Variants in CDK6 observed in about 807,000 individuals in gnomAD.
The protein encoded by CDK6 is cyclin-dependent kinase 6.
CDK6 carries 6 observed loss-of-function variants against 37.1 expected under a neutral mutation model. The observed-to-expected ratio is 0.16, with a 90% CI of 0.09 to 0.32. The LOEUF is 0.32. Among genes scored for constraint, CDK6 ranks in the 10% least tolerant of loss-of-function variants. The pLI, the probability that CDK6 is intolerant of heterozygous loss-of-function variation, is 1.00. For missense variants in CDK6, 224 were observed against 418.9 expected (o/e 0.53, Z 4.06); for synonymous variants, 160 against 161.3 (o/e 0.99, Z 0.06).
chr7:92,610,100 A>G lies in CDK6; in HGVS notation c.*5040T>C, dbSNP rs1795529853. 1 of 230,646 alleles carries G rather than the reference A, an allele frequency of 4.3e-6. No homozygotes were observed. Among genetic ancestry groups the G allele is most frequent in the Non-Finnish European group, 8.6e-6 (1 of 116,418 alleles). The allele number at this position is 230,646 out of a possible 1,614,324, so 14.3% of individuals were successfully genotyped here. A position where few individuals can be genotyped will look rare whatever the true frequency, so the allele number is the denominator to read the frequency against. The stretch of plus-strand genomic sequence containing the variant: ...TTTCTCTAAAAGTGCCACCTTGTGG[A>G]ATATACCGGAATAAAACAAGAAAGC... On this transcript the variant is annotated 3_prime_UTR_variant, in exon 8 of 8. Coordinates refer to ENST00000424848, the MANE Select transcript of CDK6 (RefSeq NM_001145306.2).
At chr7:92,799,980 A>T (rs889858667) in intron 2 of CDK6, among the ~76,000 whole-genome samples, 1 of 152,104 alleles carries the variant, frequency 6.6e-6, no homozygotes, top group African/African-American at 2.4e-5. Flanking sequence ...TCTAACAGTG[A>T]CATCACCATC....
At position 92,614,721 on chromosome 7, in the gene CDK6, A is replaced by C; in HGVS notation, c.*419T>G. 1 of 268,284 alleles carries C rather than the reference A, an allele frequency of 3.7e-6. No individual in the cohort carries two copies. Among genetic ancestry groups the C allele is most frequent in the Non-Finnish European group, 7.2e-6 (1 of 138,526 alleles). 16.6% of individuals were successfully genotyped at this position (268,284 alleles called of 1,614,324 possible). On this transcript the variant is annotated 3_prime_UTR_variant, in exon 8 of 8. Transcript: ENST00000424848. ...TACACACACACACACACACACACAC[A>C]CACACACATGCACACACACACTCAA...
chr7:92,832,630 C>A (rs1432671754), intron 2 of CDK6, among the ~76,000 whole-genome samples: 2 of 152,164 alleles, frequency 1.3e-5, no homozygotes, highest in Admixed American at 6.5e-5. Context: ...CTTGGCTCCA[C>A]CCATAAAGTT....
rs1411421272 is a variant in CDK6 at position 92,833,413 on chromosome 7, C to A, written c.-90G>T. On this transcript the variant is annotated 5_prime_UTR_variant, in exon 2 of 8. Transcript: ENST00000424848. This position sits in a 1 kb window ranked among gnomAD's most constrained non-coding sequence, Gnocchi z 6.1. The stretch of plus-strand genomic sequence containing the variant: ...CGGCCGCCGCTCGCCTACTCCGGGG[C>A]TCCCCGGAGATCGGTCTAGCTTTAC... 4.5e-6 allele frequency: 4 copies of A among 881,286 alleles called. No homozygotes were observed. The highest frequency in any genetic ancestry group is 6.7e-6 in the Non-Finnish European group (4 of 592,636). The allele number at this position is 881,286 out of a possible 1,614,324, so 54.6% of individuals were successfully genotyped here.
chr7:92,745,303 C>T (rs971604013), intron 3 of CDK6, among the ~76,000 whole-genome samples: 1 of 152,162 alleles, frequency 6.6e-6, no homozygotes, highest in Non-Finnish European at 1.5e-5. Flanking sequence ...CATTCAGAGT[C>T]CTGCTCTTTC....
At position 92,608,945 on chromosome 7, in the gene CDK6, G is replaced by C. The variant is rs978912303; in HGVS notation, c.*6195C>G. 6.4e-5 allele frequency: 15 copies of C among 232,878 alleles called. No homozygotes were observed. Among genetic ancestry groups the C allele is most frequent in the Non-Finnish European group, 1.1e-4 (13 of 117,898 alleles). The allele number at this position is 232,878 out of a possible 1,614,324, so 14.4% of individuals were successfully genotyped here. Reference sequence around the variant, plus strand: ...TCAAGTTTTGAGCACGAGCAAATGGGGTTCAGACTGGCCACTGTTATAACA... The same window carrying C: ...TCAAGTTTTGAGCACGAGCAAATGGCGTTCAGACTGGCCACTGTTATAACA... On this transcript the variant is annotated 3_prime_UTR_variant, in exon 8 of 8. Transcript: ENST00000424848.
chr7:92,737,795 G>A (rs1275264254), intron 3 of CDK6, among the ~76,000 whole-genome samples: 1 of 152,126 alleles, frequency 6.6e-6, no homozygotes, highest in African/African-American at 2.4e-5. Flanking sequence ...CAAGGACTCT[G>A]AAAAGAACAC....
intron 5 of CDK6, among the ~76,000 whole-genome samples, chr7:92,624,313 A>C (rs1795875909): frequency 6.6e-6 from 1 of 152,170 alleles, no homozygotes; most frequent in Non-Finnish European, 1.5e-5. Context: ...GCCTTTAAAC[A>C]AGTAATTAAA....
intron 2 of CDK6, among the ~76,000 whole-genome samples, chr7:92,820,721 C>T (rs1801150726): frequency 6.6e-6 from 1 of 151,914 alleles, no homozygotes; most frequent in African/African-American, 2.4e-5. Flanking sequence ...AAGGTAAGTC[C>T]TCATTTTTCA....
chr7:92,768,997 T>C (rs1210563300), intron 3 of CDK6, among the ~76,000 whole-genome samples: 2 of 152,158 alleles, frequency 1.3e-5, no homozygotes, highest in African/African-American at 4.8e-5. Flanking sequence ...CTTTGCATTA[T>C]GTCAAACTGA....
intron 4 of CDK6, among the ~76,000 whole-genome samples, chr7:92,707,448 C>CA (rs905617455): frequency 1.1e-4 from 17 of 151,980 alleles, no homozygotes; most frequent in African/African-American, 3.6e-4. Flanking sequence ...CAATGTTTTT[C>CA]AAAAAAATTA....
intron 2 of CDK6, among the ~76,000 whole-genome samples, chr7:92,780,424 G>A (rs891445928): frequency 2.0e-5 from 3 of 152,034 alleles, no homozygotes; most frequent in African/African-American, 7.2e-5. Flanking sequence ...CCTTACACTT[G>A]CAAAACAAAA....
At chr7:92,802,965 G>A (rs1047694822) in intron 2 of CDK6, among the ~76,000 whole-genome samples, 3 of 152,160 alleles carry the variant, frequency 2.0e-5, no homozygotes, top group Admixed American at 1.3e-4. Flanking sequence ...CTTCAGTTGA[G>A]AACTACTACT....
At chr7:92,815,043 A>C (rs1250139874) in intron 2 of CDK6, among the ~76,000 whole-genome samples, 2 of 152,200 alleles carry the variant, frequency 1.3e-5, no homozygotes, top group African/African-American at 4.8e-5. Flanking sequence ...AGGAAGCAGA[A>C]GCTGGACTAC....
At chr7:92,791,238 T>C (rs1800275546) in intron 2 of CDK6, among the ~76,000 whole-genome samples, 1 of 152,138 alleles carries the variant, frequency 6.6e-6, no homozygotes, top group Non-Finnish European at 1.5e-5. Flanking sequence ...CTTTGGGGAC[T>C]TGGTGCCACC....
intron 4 of CDK6, among the ~76,000 whole-genome samples, chr7:92,718,479 C>A (rs1798284586): frequency 6.6e-6 from 1 of 152,170 alleles, no homozygotes; most frequent in African/African-American, 2.4e-5. Flanking sequence ...AGGAAACAAG[C>A]ATAAACAATT....
intron 5 of CDK6, 113 bp from the exon 6 acceptor site, chr7:92,623,199 G>T: frequency 1.4e-6 from 1 of 719,294 alleles, no homozygotes; most frequent in Non-Finnish European, 2.3e-6. Flanking sequence ...GGGTTGGGAA[G>T]AAGTAAAAAA....
chr7:92,702,060 T>G (rs1170692415), intron 4 of CDK6, among the ~76,000 whole-genome samples: 1 of 152,110 alleles, frequency 6.6e-6, no homozygotes, highest in Non-Finnish European at 1.5e-5. Flanking sequence ...ACTTCACATG[T>G]GATCACTGTT....
At chr7:92,744,026 T>TA (rs910762840) in intron 3 of CDK6, among the ~76,000 whole-genome samples, 15 of 150,560 alleles carry the variant, frequency 1.0e-4, no homozygotes, top group Non-Finnish European at 1.5e-4. Context: ...ATTCTGCAAC[T>TA]AAAAAAAAAA....
Sources: gnomAD v4.1 joint callset for allele counts (sites outside exome capture counted in the v4.1 genomes callset) on GRCh38, gnomAD v4.1.1 for gene constraint, Gnocchi (gnomAD v3.1) non-coding constraint, MANE v1.5 for transcripts, NCBI Gene and HGNC (gene_info 2026-07-23, HGNC 2026-07-21) for gene names.